Variants in CDH8 observed in about 807,000 individuals in gnomAD.
CDH8 encodes the protein cadherin-8.
A neutral mutation model predicts 68.1 loss-of-function variants in CDH8; 17 were observed. That is an observed-to-expected ratio of 0.25 (90% confidence interval 0.17 to 0.37). The LOEUF (loss-of-function observed/expected upper bound fraction) is 0.37, where lower values mean the gene tolerates loss of function less well. Ranked by LOEUF, CDH8 falls within the 10% of genes least tolerant of loss-of-function variation. The probability of loss-of-function intolerance (pLI) is 1.00; values close to 1 mark genes in which losing one functional copy is unlikely to be tolerated. For missense variants in CDH8, 763 were observed against 999.3 expected, an observed-to-expected ratio of 0.76 and a Z score of 3.19; for synonymous variants, 372 against 365.1, an observed-to-expected ratio of 1.02 and a Z score of -0.21.
At chr16:61,991,085 C>G (rs968325491) in intron 2 of CDH8, among the ~76,000 whole-genome samples, 1 of 152,160 alleles carries the variant, frequency 6.6e-6, no homozygotes, top group African/African-American at 2.4e-5. Context: ...GAATTTGACT[C>G]TCACCTCTGT....
intron 4 of CDH8, among the ~76,000 whole-genome samples, chr16:61,845,415 G>C (rs1215058548): frequency 6.6e-6 from 1 of 150,466 alleles, no homozygotes; most frequent in African/African-American, 2.5e-5. Flanking sequence ...TTAATGGAAT[G>C]GAAGGAAAGT....
chr16:61,832,881 G>T (rs2143005022), intron 4 of CDH8, among the ~76,000 whole-genome samples: 1 of 151,678 alleles, frequency 6.6e-6, no homozygotes, highest in Non-Finnish European at 1.5e-5. Flanking sequence ...TAAAAATTTG[G>T]AAATAAATAC....
chr16:61,944,193 T>C (rs763464505), intron 2 of CDH8, among the ~76,000 whole-genome samples: 1 of 152,168 alleles, frequency 6.6e-6, no homozygotes, highest in Non-Finnish European at 1.5e-5. Context: ...GTATAAAATA[T>C]GTAACGTCAC....
At chr16:61,663,096 A>G (rs921046694) in intron 10 of CDH8, among the ~76,000 whole-genome samples, 1 of 151,976 alleles carries the variant, frequency 6.6e-6, no homozygotes, top group Non-Finnish European at 1.5e-5. Context: ...CAATATTCCT[A>G]AAGTGGTAGT....
chr16:62,003,589 C>T (rs1204914548), intron 2 of CDH8, among the ~76,000 whole-genome samples: 1 of 152,132 alleles, frequency 6.6e-6, no homozygotes, highest in Middle Eastern at 3.4e-3. Context: ...ACGATCCTTC[C>T]GACTTGTGTC....
At chr16:62,031,042 C>T (rs1005196654) in intron 1 of CDH8, among the ~76,000 whole-genome samples, 1 of 152,206 alleles carries the variant, frequency 6.6e-6, no homozygotes, top group Admixed American at 6.5e-5. Flanking sequence ...TATACATTCT[C>T]AACAATGTAC....
At chr16:61,925,688 T>C (rs1597070241) in intron 2 of CDH8, among the ~76,000 whole-genome samples, 1 of 152,172 alleles carries the variant, frequency 6.6e-6, no homozygotes, top group East Asian at 1.9e-4. Flanking sequence ...GAGTTTAAAG[T>C]AGGGTCACTC....
intron 2 of CDH8, among the ~76,000 whole-genome samples, chr16:61,937,392 A>T (rs995082167): frequency 6.6e-6 from 1 of 152,172 alleles, no homozygotes; most frequent in Non-Finnish European, 1.5e-5. Context: ...GGTTTCTGTC[A>T]TAGCAAAAAT....
In CDH8 at chr16:62,001,766, A is replaced by G. The variant is rs1597118851; in HGVS notation, c.252+19386T>C. 3.9e-5 allele frequency among the ~76,000 whole-genome samples: 6 copies of G among 152,174 alleles called. No homozygotes were observed. In the South Asian group the frequency reaches 1.2e-3, roughly 32 times the overall value. The stretch of plus-strand genomic sequence containing the variant: ...TACATGTGCCATGTTGGTGTGCTGC[A>G]CCCATTAACTCGTCATTTAACATTA... On this transcript the variant is annotated intron_variant, in intron 2 of 11. Transcript: ENST00000577390.
chr16:62,022,589 CAA>C (rs1394023610), intron 1 of CDH8, among the ~76,000 whole-genome samples: 8 of 152,150 alleles, frequency 5.3e-5, no homozygotes, highest in Non-Finnish European at 1.0e-4. Context: ...ACTGCAGATC[CAA>C]GAGAGAAGCT....
At chr16:61,706,697 C>T (rs939365926) in intron 10 of CDH8, among the ~76,000 whole-genome samples, 7 of 149,170 alleles carry the variant, frequency 4.7e-5, no homozygotes, top group South Asian at 2.1e-4. Flanking sequence ...GCACAGAAGA[C>T]GGAAGAGAAT....
At chr16:61,928,174 T>A (rs1322804481) in intron 2 of CDH8, among the ~76,000 whole-genome samples, 1 of 152,178 alleles carries the variant, frequency 6.6e-6, no homozygotes, top group African/African-American at 2.4e-5. Flanking sequence ...AAACAAGTAG[T>A]CCCAACAATA....
In CDH8 at chr16:61,901,577, A is replaced by G. The variant is rs143599207; in HGVS notation, c.253-104T>C. Reference sequence around the variant, plus strand: ...AAGTTGGTTCTTTTTACATAACATCATCAATTTCTGCTAATAGTAGCTGTA... The same window carrying G: ...AAGTTGGTTCTTTTTACATAACATCGTCAATTTCTGCTAATAGTAGCTGTA... On this transcript the variant is annotated intron_variant, in intron 2 of 11. Transcript: ENST00000577390. 297 of 737,076 alleles carry G rather than the reference A, an allele frequency of 4.0e-4. 2 individuals are homozygous for G. The African/African-American group carries it at 4.8e-3, about 12-fold the overall frequency. 45.7% of individuals were successfully genotyped at this position (737,076 alleles called of 1,614,324 possible). A position where few individuals can be genotyped will look rare whatever the true frequency, so the allele number is the denominator to read the frequency against.
intron 9 of CDH8, among the ~76,000 whole-genome samples, chr16:61,716,009 C>G (rs919076559): frequency 6.6e-5 from 10 of 151,614 alleles, no homozygotes; most frequent in African/African-American, 2.4e-4. Flanking sequence ...AGCTCCTTCT[C>G]CATTTACCCA....
At chr16:61,926,239 T>C (rs530153179) in intron 2 of CDH8, among the ~76,000 whole-genome samples, 1 of 151,772 alleles carries the variant, frequency 6.6e-6, no homozygotes. Flanking sequence ...GTTCCAAATA[T>C]GGGAAGAATG....
chr16:61,765,617 C>T (rs1161883285), intron 8 of CDH8, among the ~76,000 whole-genome samples: 1 of 152,132 alleles, frequency 6.6e-6, no homozygotes, highest in East Asian at 1.9e-4. Flanking sequence ...ATTTTCTCCC[C>T]TCTGGGCTTT....
chr16:61,956,486 T>C lies in CDH8; in HGVS notation c.253-55013A>G, dbSNP rs1167661143. ...CATTGTGTTCTATTATATTCTTTAA[T>C]GTTATCTAATTTCCAAACAGCATAC... On this transcript the variant is annotated intron_variant, in intron 2 of 11. Coordinates refer to ENST00000577390, the MANE Select transcript of CDH8 (RefSeq NM_001796.5). 3.3e-5 allele frequency among the ~76,000 whole-genome samples: 5 copies of C among 152,192 alleles called. No homozygotes were observed. The East Asian group carries it at 9.6e-4, about 29-fold the overall frequency.
At chr16:61,924,282 A>C (rs1323500821) in intron 2 of CDH8, among the ~76,000 whole-genome samples, 1 of 152,184 alleles carries the variant, frequency 6.6e-6, no homozygotes, top group Non-Finnish European at 1.5e-5. Context: ...TTCACTTCTG[A>C]ATACTAAAAC....
chr16:61,783,749 C>A (rs1260078257), intron 8 of CDH8, among the ~76,000 whole-genome samples: 1 of 151,830 alleles, frequency 6.6e-6, no homozygotes, highest in Admixed American at 6.6e-5. Context: ...TCGGCAGAAA[C>A]CCTACAAGCC....
Sources: allele counts gnomAD v4.1 joint callset (sites outside exome capture counted in the v4.1 genomes callset), GRCh38; gene constraint gnomAD v4.1.1; transcripts MANE v1.5; gene names NCBI Gene and HGNC (gene_info 2026-07-23, HGNC 2026-07-21).